Variants in ZNRF3 observed in about 807,000 individuals in gnomAD.
ZNRF3 encodes the protein E3 ubiquitin-protein ligase ZNRF3.
In ZNRF3, 23 loss-of-function variants were observed where a neutral mutation model predicts 72.5. The observed-to-expected ratio is 0.32, with a 90% confidence interval of 0.23 to 0.45. The LOEUF is 0.45. ZNRF3 is among the 20% of genes least tolerant of loss of function. The pLI, the probability that ZNRF3 is intolerant of heterozygous loss-of-function variation, is 1.00. For missense variants in ZNRF3, 1,169 were observed against 1,272.1 expected (o/e 0.92, Z 1.23); for synonymous variants, 610 against 545.3 (o/e 1.12, Z -1.65).
chr22:28,919,941 G>A (rs528420245), intron 1 of ZNRF3, among the ~76,000 whole-genome samples: 1 of 152,164 alleles, frequency 6.6e-6, no homozygotes, highest in East Asian at 1.9e-4. Flanking sequence ...TGGCTGTTTT[G>A]ACTCATGTTA....
chr22:29,043,080 C>T (rs2036998114), intron 3 of ZNRF3, among the ~76,000 whole-genome samples: 1 of 152,102 alleles, frequency 6.6e-6, no homozygotes, highest in African/African-American at 2.4e-5. Flanking sequence ...GTTCAGGGGG[C>T]ATTTTCTAAG....
chr22:29,029,008 T>G (rs764400862), intron 2 of ZNRF3, among the ~76,000 whole-genome samples: 2 of 152,226 alleles, frequency 1.3e-5, no homozygotes, highest in African/African-American at 4.8e-5. Flanking sequence ...ACCATCCTCC[T>G]GGAGGCACAG....
intron 1 of ZNRF3, among the ~76,000 whole-genome samples, chr22:28,944,928 A>G (rs1445977035): frequency 3.5e-5 from 1 of 28,508 alleles, no homozygotes; most frequent in African/African-American, 6.3e-5. Flanking sequence ...TCCGTCTCCA[A>G]ATAAATAAAT....
At chr22:28,948,886 T>C (rs749663540) in intron 1 of ZNRF3, among the ~76,000 whole-genome samples, 1 of 152,242 alleles carries the variant, frequency 6.6e-6, no homozygotes, top group South Asian at 2.1e-4. Flanking sequence ...ATCTCATGCA[T>C]TGGTCATTTA....
chr22:29,021,635 G>A (rs1196173970), intron 2 of ZNRF3, among the ~76,000 whole-genome samples: 1 of 151,650 alleles, frequency 6.6e-6, no homozygotes, highest in Admixed American at 6.6e-5. Flanking sequence ...TTACAGGCAC[G>A]CGCCACCATG....
At chr22:28,958,005 G>A (rs1310131792) in intron 1 of ZNRF3, among the ~76,000 whole-genome samples, 1 of 151,798 alleles carries the variant, frequency 6.6e-6, no homozygotes, top group Non-Finnish European at 1.5e-5. Context: ...GGCTAACACG[G>A]TGAAACCCCG....
intron 2 of ZNRF3, among the ~76,000 whole-genome samples, chr22:29,006,456 C>T (rs943865638): frequency 4.6e-5 from 7 of 152,148 alleles, no homozygotes; most frequent in African/African-American, 1.7e-4. Context: ...AGGTGATCTG[C>T]CTGCCTCGTC....
In ZNRF3 at chr22:28,949,516, G is replaced by A. The variant is rs537297570; in HGVS notation, c.301-37560G>A. 8.5e-5 allele frequency among the ~76,000 whole-genome samples: 13 copies of A among 152,240 alleles called. No individual in the cohort carries two copies. In the East Asian group the frequency reaches 2.5e-3, roughly 29 times the overall value. ...CTGGTCTCAAAACTCCTGAGCTCAA[G>A]CAATCTTTCCACCTTGACCCCACAA... On this transcript the variant is annotated intron_variant, in intron 1 of 8. Coordinates refer to ENST00000544604, the MANE Select transcript of ZNRF3 (RefSeq NM_001206998.2).
chr22:28,909,172 C>T (rs900544638), intron 1 of ZNRF3, among the ~76,000 whole-genome samples: 14 of 152,098 alleles, frequency 9.2e-5, no homozygotes, highest in Non-Finnish European at 1.2e-4. Context: ...GCTAGGATTA[C>T]AGGCGTGAGC....
chr22:28,907,532 C>G (rs1293821804), intron 1 of ZNRF3, among the ~76,000 whole-genome samples: 1 of 152,184 alleles, frequency 6.6e-6, no homozygotes, highest in Non-Finnish European at 1.5e-5. Flanking sequence ...CAGATGGTGT[C>G]CGTGCCTTTC....
At chr22:28,967,018 T>G (rs1214011022) in intron 1 of ZNRF3, among the ~76,000 whole-genome samples, 1 of 152,038 alleles carries the variant, frequency 6.6e-6, no homozygotes, top group Non-Finnish European at 1.5e-5. Flanking sequence ...TAGCTGGGAT[T>G]ACAGGTGCCT....
chr22:28,909,274 TC>T (rs2034271333), intron 1 of ZNRF3, among the ~76,000 whole-genome samples: 1 of 152,134 alleles, frequency 6.6e-6, no homozygotes, highest in Non-Finnish European at 1.5e-5. Flanking sequence ...TTGAAGCTCT[TC>T]CTGATTTTAA....
chr22:29,051,320 G>A (rs1269226051), intron 8 of ZNRF3, among the ~76,000 whole-genome samples: 1 of 152,176 alleles, frequency 6.6e-6, no homozygotes, highest in African/African-American at 2.4e-5. Flanking sequence ...GGCCGAGGCT[G>A]TGGATCACTT....
intron 1 of ZNRF3, among the ~76,000 whole-genome samples, chr22:28,924,535 A>G (rs2034566701): frequency 2.0e-5 from 3 of 152,106 alleles, no homozygotes; most frequent in African/African-American, 7.2e-5. Flanking sequence ...GCTTGAGCTC[A>G]GGAGTTCAAA....
intron 1 of ZNRF3, among the ~76,000 whole-genome samples, chr22:28,909,704 C>T (rs1422109548): frequency 2.0e-5 from 3 of 151,240 alleles, no homozygotes; most frequent in Non-Finnish European, 2.9e-5. Context: ...CCTCAGCCTC[C>T]TGAGTAGCTG....
intron 1 of ZNRF3, among the ~76,000 whole-genome samples, chr22:28,943,421 G>A (rs2034986633): frequency 6.6e-6 from 1 of 152,194 alleles, no homozygotes; most frequent in Non-Finnish European, 1.5e-5. Context: ...ACCAGGCTGG[G>A]GGTAGAGGCC....
chr22:28,946,079 T>C (rs2123791124), intron 1 of ZNRF3, among the ~76,000 whole-genome samples: 1 of 152,350 alleles, frequency 6.6e-6, no homozygotes, highest in East Asian at 1.9e-4. Context: ...ATTTCAGATT[T>C]TCAGATTAGG....
intron 2 of ZNRF3, among the ~76,000 whole-genome samples, chr22:29,016,016 AAAAAAAAAAAAAAC>A (rs1461945246): frequency 6.1e-5 from 9 of 147,820 alleles, no homozygotes; most frequent in Non-Finnish European, 1.2e-4. Flanking sequence ...AACTGTCTCA[AAAAAAAAAAAAAAC>A]AAAAAAACTG....
At chr22:28,976,111 A>G (rs923185857) in intron 1 of ZNRF3, among the ~76,000 whole-genome samples, 18 of 152,256 alleles carry the variant, frequency 1.2e-4, no homozygotes, top group East Asian at 5.8e-4. Context: ...CTTTGTCACT[A>G]TCTAGTTCAC....
Sources: allele counts gnomAD v4.1 joint callset (sites outside exome capture counted in the v4.1 genomes callset), GRCh38; gene constraint gnomAD v4.1.1; transcripts MANE v1.5; gene names NCBI Gene and HGNC (gene_info 2026-07-23, HGNC 2026-07-21).